Variants in COG2 observed in about 807,000 individuals in gnomAD.
COG2 encodes component of oligomeric golgi complex 2.
A neutral mutation model predicts 90.6 loss-of-function variants in COG2; 52 were observed. The ratio of observed to expected loss-of-function variants is 0.57; its 90% CI spans 0.46 to 0.72. The LOEUF (loss-of-function observed/expected upper bound fraction) is 0.72. Ranked by LOEUF, COG2 falls within the 30% of genes least tolerant of loss-of-function variation. The pLI is 0.00. For synonymous variants in COG2, 337 were observed against 320.4 expected, an observed-to-expected ratio of 1.05 and a Z score of -0.55; for missense variants, 829 against 891.2, an observed-to-expected ratio of 0.93 and a Z score of 0.89.
At position 230,691,448 on chromosome 1, in the gene COG2, C is replaced by T. The variant is rs749151280; in HGVS notation, c.1999C>T (p.Leu667=). The T allele has an allele frequency of 3.7e-6, 6 of 1,614,054 alleles. No individual in the cohort carries two copies. In the African/African-American group the frequency reaches 6.7e-5, roughly 18 times the overall value. ...VKKMEESLKR[L]KQARKTTPAN... The stretch of plus-strand genomic sequence containing the variant: ...GAAGATGGAAGAGAGCCTGAAAAGG[C>T]TGAAACAAGCCAGAAAAACCACTCC... The change falls in exon 17 of 18, where the codon CTG becomes TTG. Residue 667 remains leucine (L), a synonymous_variant. Transcript: ENST00000366669.
chr1:230,653,115 TGA>T (rs1661953292), intron 1 of COG2, among the ~76,000 whole-genome samples: 1 of 152,172 alleles, frequency 6.6e-6, no homozygotes. Context: ...GTCTTATAAC[TGA>T]AAGTTTATAT....
chr1:230,644,742 A>G (rs771235007), intron 1 of COG2, among the ~76,000 whole-genome samples: 1 of 152,196 alleles, frequency 6.6e-6, no homozygotes, highest in African/African-American at 2.4e-5. Context: ...TGGGCCTTGT[A>G]TACTGTACTG....
intron 1 of COG2, 149 bp downstream of exon 1, chr1:230,642,827 C>A: frequency 1.4e-6 from 1 of 698,764 alleles, no homozygotes; most frequent in Non-Finnish European, 2.4e-6. Context: ...CGCAATGAGT[C>A]TTTTGGCGTC....
Position 230,679,004 on chromosome 1 carries a change from A to G in COG2, c.1118A>G (p.Tyr373Cys), listed in dbSNP as rs921909246. The change falls in exon 10 of 18, where the codon TAT becomes TGT. Residue 373 changes from tyrosine to cysteine, a missense_variant. Coordinates refer to ENST00000366669, the MANE Select transcript of COG2 (RefSeq NM_007357.3). ...AAGAGATTAAGAGCCCATCCTGCCTATCACAGCTTCAATAAGAAGTGGAAC... is the reference window on the plus strand; with the variant it reads ...AAGAGATTAAGAGCCCATCCTGCCTGTCACAGCTTCAATAAGAAGTGGAAC... ...SVKRLRAHPA[Y>C]HSFNKKWNLP... 2.5e-6 allele frequency: 4 copies of G among 1,613,768 alleles called. No homozygotes were observed. The highest frequency in any genetic ancestry group is 2.2e-5 in the South Asian group (2 of 91,074).
At chr1:230,660,155 G>A (rs1332287385) in intron 2 of COG2, among the ~76,000 whole-genome samples, 1 of 152,082 alleles carries the variant, frequency 6.6e-6, no homozygotes, top group Non-Finnish European at 1.5e-5. Context: ...TTGCCTTTTG[G>A]TCATCCTGTT....
chr1:230,693,254 A>C (rs758542874), intron 17 of COG2, 38 bp from the exon 18 acceptor site: 1 of 1,217,280 alleles, frequency 8.2e-7, no homozygotes, highest in Admixed American at 1.7e-5. Context: ...ATTCAGCTTG[A>C]ATTGCAGTAA....
At chr1:230,644,993 G>A (rs562956052) in intron 1 of COG2, among the ~76,000 whole-genome samples, 2 of 152,198 alleles carry the variant, frequency 1.3e-5, no homozygotes, top group East Asian at 1.9e-4. Flanking sequence ...GGTCAAAGGT[G>A]GTAATGGCAT....
chr1:230,651,818 GA>G (rs551602654), intron 1 of COG2, among the ~76,000 whole-genome samples: 8 of 151,686 alleles, frequency 5.3e-5, no homozygotes, highest in African/African-American at 1.2e-4. Context: ...TTCCATTCAG[GA>G]AAAAAAAGTT....
At chr1:230,660,948 A>G in intron 3 of COG2, 125 bp downstream of exon 3, 1 of 507,842 alleles carries the variant, frequency 2.0e-6, no homozygotes, top group Middle Eastern at 3.0e-4. Flanking sequence ...TTTAGTAATT[A>G]TAATACTCAT....
At chr1:230,645,995 G>A (rs4847000) in intron 1 of COG2, among the ~76,000 whole-genome samples, 37,751 of 151,848 alleles carry the variant, frequency 0.25, 5,002 homozygotes, top group East Asian at 0.44. Context: ...GCTGGTGTAG[G>A]GGTCTTTCCT....
chr1:230,659,818 A>G (rs1000603167), intron 2 of COG2, among the ~76,000 whole-genome samples, 193 bp downstream of exon 2: 2 of 152,242 alleles, frequency 1.3e-5, no homozygotes, highest in Non-Finnish European at 2.9e-5. Context: ...ACTTAAGACT[A>G]TTCTAAATTA....
intron 5 of COG2, among the ~76,000 whole-genome samples, chr1:230,665,839 GC>G (rs1281038562): frequency 6.6e-6 from 1 of 152,146 alleles, no homozygotes; most frequent in Non-Finnish European, 1.5e-5. Flanking sequence ...AGCATTGACA[GC>G]CCCTCCCAAC....
At position 230,642,552 on chromosome 1, in the gene COG2, A is replaced by C. The variant is rs1270311885; in HGVS notation, c.-55A>C. ...CCGCGGCCGCCGAGTCGGTCTGCGC[A>C]GCCTCCTGCGTTTTCTCGCTTGGAT... On this transcript the variant is annotated 5_prime_UTR_variant, in exon 1 of 18. Coordinates refer to ENST00000366669, the MANE Select transcript of COG2 (RefSeq NM_007357.3). The C allele has an allele frequency of 6.4e-7, 1 of 1,560,526 alleles. No homozygotes were observed.
In COG2 at chr1:230,662,425, T is replaced by C. The variant is rs569657613; in HGVS notation, c.301-716T>C. ...TCATTTTTCTATAGAATTTTTGTGA[T>C]TTCTCCAGTTTATTCTAGTTTTTCC... On this transcript the variant is annotated intron_variant, in intron 3 of 17. Transcript: ENST00000366669. 6.6e-5 allele frequency among the ~76,000 whole-genome samples: 10 copies of C among 152,354 alleles called. No homozygotes were observed. The South Asian group carries it at 2.1e-3, about 32-fold the overall frequency.
In COG2 at chr1:230,692,369, TCAAAA is replaced by T. The variant is rs1232946524; in HGVS notation, c.2115+809_2115+813del. 2.6e-5 allele frequency among the ~76,000 whole-genome samples: 4 copies of T among 150,964 alleles called. No homozygotes were observed. In the East Asian group the frequency reaches 7.8e-4, roughly 29 times the overall value. ...TAGAAAAAGAAAAAAAAAAAAGCAG[TCAAAA>T]CAAGACACTTGATTTTCTAGCTCAC... On this transcript the variant is annotated intron_variant, in intron 17 of 17. Coordinates refer to ENST00000366669, the MANE Select transcript of COG2 (RefSeq NM_007357.3).
chr1:230,690,683 T>C (rs1299428565), intron 16 of COG2, among the ~76,000 whole-genome samples: 5 of 152,250 alleles, frequency 3.3e-5, no homozygotes, highest in African/African-American at 4.8e-5. Context: ...AAAAGTGTGT[T>C]ACTCAATTTT....
At chr1:230,688,250 C>A in intron 14 of COG2, 107 bp downstream of exon 14, 2 of 1,196,524 alleles carry the variant, frequency 1.7e-6, no homozygotes, top group Non-Finnish European at 2.4e-6. Context: ...GTTGTAAATC[C>A]TTGGTTGTTT....
intron 5 of COG2, among the ~76,000 whole-genome samples, chr1:230,667,217 A>G (rs1662342114): frequency 1.3e-5 from 2 of 152,188 alleles, no homozygotes; most frequent in South Asian, 4.1e-4. Flanking sequence ...GTCTCCCACT[A>G]GTGGGGAACG....
At chr1:230,692,754 G>A (rs903789288) in intron 17 of COG2, among the ~76,000 whole-genome samples, 4 of 150,036 alleles carry the variant, frequency 2.7e-5, no homozygotes, top group African/African-American at 7.4e-5. Context: ...GCGTGTGTGT[G>A]TGTGCGTGTA....
Sources: gnomAD v4.1 joint callset for allele counts (sites outside exome capture counted in the v4.1 genomes callset) on GRCh38, gnomAD v4.1.1 for gene constraint, MANE v1.5 for transcripts, NCBI Gene and HGNC (gene_info 2026-07-23, HGNC 2026-07-21) for gene names.